The following DNAJC5B variants were observed in gnomAD, a reference collection of about 807,000 sequenced individuals.
The protein encoded by DNAJC5B is dnaJ homolog subfamily C member 5B.
DNAJC5B carries 23 observed loss-of-function variants against 24.7 expected under a neutral mutation model. That is an observed-to-expected ratio of 0.93 (90% CI 0.67 to 1.32). The LOEUF is 1.32. Ranked by LOEUF, DNAJC5B falls within the 40% of genes most tolerant of loss-of-function variation. The pLI, the probability that DNAJC5B is intolerant of heterozygous loss-of-function variation, is 0.00. For synonymous variants in DNAJC5B, 101 were observed against 90.1 expected, an observed-to-expected ratio of 1.12 and a Z score of -0.68; for missense variants, 238 against 240.8, an observed-to-expected ratio of 0.99 and a Z score of 0.08.
intron 3 of DNAJC5B, among the ~76,000 whole-genome samples, chr8:66,053,908 C>T (rs1019426504): frequency 6.7e-6 from 1 of 149,904 alleles, no homozygotes; most frequent in Admixed American, 6.6e-5. Flanking sequence ...GGATTACAGG[C>T]GTGAGCCACC....
chr8:66,051,043 G>T (rs975982573), intron 2 of DNAJC5B, among the ~76,000 whole-genome samples: 9 of 152,134 alleles, frequency 5.9e-5, no homozygotes, highest in Non-Finnish European at 1.3e-4. Context: ...TCACCAAGTT[G>T]TACAACAGAT....
intron 3 of DNAJC5B, among the ~76,000 whole-genome samples, chr8:66,074,137 G>C (rs1199830626): frequency 6.6e-6 from 1 of 152,156 alleles, no homozygotes; most frequent in Non-Finnish European, 1.5e-5. Flanking sequence ...TGCACTTAGA[G>C]AATATCCAAA....
chr8:66,100,424 A>G lies in DNAJC5B; in HGVS notation c.*393A>G, dbSNP rs569349980. 1 of 155,222 alleles carries G rather than the reference A, an allele frequency of 6.4e-6. No individual in the cohort carries two copies. The highest frequency in any genetic ancestry group is 2.4e-5 in the African/African-American group (1 of 41,688). 9.6% of individuals were successfully genotyped at this position (155,222 alleles called of 1,614,324 possible). ...CACAATATTCATATCTACCACGAAC[A>G]TGATCATCAAAATATATGAGAACTT... On this transcript the variant is annotated 3_prime_UTR_variant, in exon 6 of 6. Coordinates refer to ENST00000276570, the MANE Select transcript of DNAJC5B (RefSeq NM_033105.6).
At chr8:66,043,821 CT>C (rs11449089) in intron 2 of DNAJC5B, among the ~76,000 whole-genome samples, 3,634 of 130,572 alleles carry the variant, frequency 0.028, 59 homozygotes, top group African/African-American at 0.07. Context: ...TGAAAAGAAC[CT>C]TTTTTTTTTT....
chr8:66,095,639 A>G (rs1016618146), intron 5 of DNAJC5B, among the ~76,000 whole-genome samples: 2 of 147,580 alleles, frequency 1.4e-5, no homozygotes, highest in African/African-American at 2.5e-5. Context: ...GAATTTTCTT[A>G]TAAGTTATAC....
intron 1 of DNAJC5B, among the ~76,000 whole-genome samples, chr8:66,036,009 C>G (rs1039313037): frequency 2.0e-5 from 3 of 152,188 alleles, no homozygotes; most frequent in Admixed American, 2.0e-4. Flanking sequence ...GTTGTAAACG[C>G]AGATGCCCCT....
chr8:66,031,176 A>G (rs1414278194), intron 1 of DNAJC5B, among the ~76,000 whole-genome samples: 1 of 152,240 alleles, frequency 6.6e-6, no homozygotes, highest in East Asian at 1.9e-4. Flanking sequence ...AGAACTATAC[A>G]AATAGAAGGT....
At chr8:66,096,103 A>G (rs768375848) in intron 5 of DNAJC5B, among the ~76,000 whole-genome samples, 2 of 152,198 alleles carry the variant, frequency 1.3e-5, no homozygotes, top group Non-Finnish European at 2.9e-5. Context: ...TTATTCTCTC[A>G]CAGTTCTGGA....
intron 1 of DNAJC5B, among the ~76,000 whole-genome samples, chr8:66,031,526 A>G (rs1264770603): frequency 2.6e-5 from 4 of 152,218 alleles, no homozygotes; most frequent in Non-Finnish European, 5.9e-5. Context: ...AGATGGATAT[A>G]TGTGTGTAAT....
chr8:66,077,376 A>G (rs1217295105), intron 4 of DNAJC5B, among the ~76,000 whole-genome samples: 1 of 152,160 alleles, frequency 6.6e-6, no homozygotes, highest in Non-Finnish European at 1.5e-5. Context: ...CTAGTGGAGG[A>G]CAGGGAATTG....
At chr8:66,035,158 C>T (rs1806454107) in intron 1 of DNAJC5B, among the ~76,000 whole-genome samples, 1 of 152,188 alleles carries the variant, frequency 6.6e-6, no homozygotes. Flanking sequence ...AATCAGCAAA[C>T]ATTACAAACC....
chr8:66,058,904 T>TTTTCAAGGG (rs1179821350), intron 3 of DNAJC5B, among the ~76,000 whole-genome samples: 7 of 152,342 alleles, frequency 4.6e-5, no homozygotes, highest in Non-Finnish European at 7.4e-5. Context: ...GAGATCTTTT[T>TTTTCAAGGG]TTTTCAAGGG....
intron 1 of DNAJC5B, among the ~76,000 whole-genome samples, chr8:66,022,718 A>G (rs558773734): frequency 2.6e-5 from 4 of 152,228 alleles, no homozygotes; most frequent in Admixed American, 2.0e-4. Context: ...TGAAAGTAGT[A>G]ATAGTCCCCA....
chr8:66,061,589 TAGAGAGAG>T, intron 3 of DNAJC5B, among the ~76,000 whole-genome samples: 1 of 142,886 alleles, frequency 7.0e-6, no homozygotes, highest in East Asian at 2.1e-4. Context: ...AAAGAATGGA[TAGAGAGAG>T]AGAGAGAGAG....
chr8:66,067,002 T>TGTAACAG (rs375586265), intron 3 of DNAJC5B, among the ~76,000 whole-genome samples: 9,753 of 152,218 alleles, frequency 0.064, 948 homozygotes, highest in African/African-American at 0.21. Context: ...ACAAAGGCTG[T>TGTAACAG]CTTTGGCTCA....
chr8:66,027,170 G>A (rs1315812466), intron 1 of DNAJC5B, among the ~76,000 whole-genome samples: 1 of 152,106 alleles, frequency 6.6e-6, no homozygotes, highest in Admixed American at 6.5e-5. Context: ...TGGGGAGCAG[G>A]GATCCATATT....
chr8:66,095,109 C>T (rs1466306034), intron 5 of DNAJC5B, among the ~76,000 whole-genome samples: 1 of 152,086 alleles, frequency 6.6e-6, no homozygotes, highest in Non-Finnish European at 1.5e-5. Flanking sequence ...GATTATGCCT[C>T]ATGAAATAAA....
At chr8:66,023,768 C>T (rs1042221588) in intron 1 of DNAJC5B, among the ~76,000 whole-genome samples, 2 of 152,126 alleles carry the variant, frequency 1.3e-5, no homozygotes, top group African/African-American at 4.8e-5. Flanking sequence ...TGACTTATCC[C>T]ATGAATTAAT....
intron 3 of DNAJC5B, among the ~76,000 whole-genome samples, chr8:66,067,131 ATTG>A (rs1350471547): frequency 2.0e-5 from 3 of 152,128 alleles, no homozygotes; most frequent in Non-Finnish European, 4.4e-5. Flanking sequence ...ATTTGTACCA[ATTG>A]TTCCTCCTGC....
Sources: allele counts gnomAD v4.1 joint callset (sites outside exome capture counted in the v4.1 genomes callset), GRCh38; gene constraint gnomAD v4.1.1; transcripts MANE v1.5; gene names NCBI Gene and HGNC (gene_info 2026-07-23, HGNC 2026-07-21).